MNAT1: variants seen among roughly 807,000 people sequenced by gnomAD.
MNAT1 encodes CDK-activating kinase assembly factor MAT1.
Under a neutral mutation model 42.0 loss-of-function variants are expected in MNAT1, and 43 were observed. The ratio of observed to expected loss-of-function variants is 1.02; its 90% CI spans 0.80 to 1.32. The LOEUF is 1.32. Among genes scored for constraint, MNAT1 ranks in the 40% most tolerant of loss-of-function variants. The pLI is 0.00. For synonymous variants in MNAT1, 118 were observed against 120.0 expected (o/e 0.98, Z 0.11); for missense variants, 306 against 350.4 (o/e 0.87, Z 1.01).
At chr14:60,923,916 A>G (rs1437615016) in intron 7 of MNAT1, among the ~76,000 whole-genome samples, 2 of 152,218 alleles carry the variant, frequency 1.3e-5, no homozygotes, top group Non-Finnish European at 2.9e-5. Flanking sequence ...TGGATGACAG[A>G]GCGAGACTGT....
intron 6 of MNAT1, among the ~76,000 whole-genome samples, chr14:60,822,270 C>T (rs973821076): frequency 6.6e-6 from 1 of 151,940 alleles, no homozygotes; most frequent in Non-Finnish European, 1.5e-5. Flanking sequence ...ATTGGAATGG[C>T]GAGATGTAAA....
chr14:60,930,597 G>T (rs1034334961), intron 7 of MNAT1, among the ~76,000 whole-genome samples: 1 of 152,120 alleles, frequency 6.6e-6, no homozygotes, highest in Non-Finnish European at 1.5e-5. Flanking sequence ...TAAGAAGAGA[G>T]GGTCAAGGAA....
intron 7 of MNAT1, among the ~76,000 whole-genome samples, chr14:60,965,192 C>T (rs1335175035): frequency 6.6e-6 from 1 of 152,124 alleles, no homozygotes; most frequent in African/African-American, 2.4e-5. Context: ...TTTTAATTGA[C>T]TTGGTTTTGG....
At chr14:60,963,941 G>C (rs2036639494) in intron 7 of MNAT1, among the ~76,000 whole-genome samples, 1 of 152,122 alleles carries the variant, frequency 6.6e-6, no homozygotes. Context: ...TCTTGGTCTT[G>C]AGTGACAAGC....
intron 7 of MNAT1, among the ~76,000 whole-genome samples, chr14:60,959,082 A>C (rs2036541440): frequency 6.6e-6 from 1 of 152,106 alleles, no homozygotes; most frequent in Non-Finnish European, 1.5e-5. Context: ...CCACTTAGGC[A>C]CCTGGAGATT....
At chr14:60,930,065 T>C (rs563371504) in intron 7 of MNAT1, among the ~76,000 whole-genome samples, 1 of 152,060 alleles carries the variant, frequency 6.6e-6, no homozygotes, top group Admixed American at 6.5e-5. Context: ...TAATTACTTT[T>C]CCAGGTCAAA....
intron 3 of MNAT1, among the ~76,000 whole-genome samples, chr14:60,805,439 A>G (rs2032337952): frequency 6.6e-6 from 1 of 152,204 alleles, no homozygotes. Context: ...AGTTTACACT[A>G]GGATTCATTT....
At chr14:60,936,468 A>G (rs1187909601) in intron 7 of MNAT1, among the ~76,000 whole-genome samples, 1 of 145,218 alleles carries the variant, frequency 6.9e-6, no homozygotes, top group Non-Finnish European at 1.5e-5. Context: ...CTATGAGAAC[A>G]TGCGGTGTTT....
chr14:60,838,534 TAGTTTCTAA>T (rs1185591276), intron 6 of MNAT1, among the ~76,000 whole-genome samples: 3 of 152,214 alleles, frequency 2.0e-5, no homozygotes, highest in Non-Finnish European at 2.9e-5. Context: ...TTTATTTTTC[TAGTTTCTAA>T]AGGTGGAAGG....
At chr14:60,939,924 G>T (rs1013730421) in intron 7 of MNAT1, among the ~76,000 whole-genome samples, 2 of 152,104 alleles carry the variant, frequency 1.3e-5, no homozygotes, top group Non-Finnish European at 2.9e-5. Flanking sequence ...TCCTGTATTG[G>T]GTGCATATAT....
At chr14:60,783,773 A>G (rs903697210) in intron 1 of MNAT1, among the ~76,000 whole-genome samples, 5 of 152,216 alleles carry the variant, frequency 3.3e-5, no homozygotes, top group Admixed American at 3.3e-4. Flanking sequence ...AAGTGCTGGG[A>G]TTACAGGCGT....
intron 7 of MNAT1, among the ~76,000 whole-genome samples, chr14:60,887,529 C>T (rs1425779886): frequency 6.6e-6 from 1 of 151,476 alleles, no homozygotes; most frequent in African/African-American, 2.4e-5. Flanking sequence ...TGATGATTTC[C>T]AGTTTCATCC....
intron 7 of MNAT1, among the ~76,000 whole-genome samples, chr14:60,921,882 C>G (rs1208644382): frequency 1.3e-5 from 2 of 152,104 alleles, no homozygotes; most frequent in Non-Finnish European, 2.9e-5. Context: ...CATATTTACA[C>G]AACTCAATAT....
intron 1 of MNAT1, among the ~76,000 whole-genome samples, chr14:60,737,665 A>G (rs1478241808): frequency 6.6e-6 from 1 of 152,080 alleles, no homozygotes; most frequent in Non-Finnish European, 1.5e-5. Flanking sequence ...ATCACAAGGT[A>G]ATGTCCAGTA....
In MNAT1 at chr14:60,746,937, C is replaced by G. The variant is rs1223478815; in HGVS notation, c.89+11986C>G. Among the ~76,000 whole-genome samples, 12 of 20,540 alleles carry G rather than the reference C, an allele frequency of 5.8e-4. 1 individual carries two copies. The highest frequency in any genetic ancestry group is 1.0e-4 in the Non-Finnish European group (1 of 10,044). 13.5% of individuals were successfully genotyped at this position (20,540 alleles called of 152,430 possible). On this transcript the variant is annotated intron_variant, in intron 1 of 7. Coordinates refer to ENST00000261245, the MANE Select transcript of MNAT1 (RefSeq NM_002431.4). Reference sequence around the variant, plus strand: ...ATATATATATATACACACACACACACACACACACACACACACACACACACA... The same window carrying G: ...ATATATATATATACACACACACACAGACACACACACACACACACACACACA...
chr14:60,752,558 T>C (rs2030142685), intron 1 of MNAT1, among the ~76,000 whole-genome samples: 1 of 151,960 alleles, frequency 6.6e-6, no homozygotes, highest in Admixed American at 6.6e-5. Flanking sequence ...TCAGCTGCTC[T>C]GGAGGCTGGG....
intron 7 of MNAT1, among the ~76,000 whole-genome samples, chr14:60,921,130 A>T (rs1030659957): frequency 1.3e-5 from 2 of 152,184 alleles, no homozygotes; most frequent in Non-Finnish European, 2.9e-5. Flanking sequence ...ACATAAACCT[A>T]AGAAATATTA....
chr14:60,924,398 A>T (rs892815940), intron 7 of MNAT1, among the ~76,000 whole-genome samples: 1 of 151,770 alleles, frequency 6.6e-6, no homozygotes, highest in East Asian at 1.9e-4. Context: ...AAAAAAAAAA[A>T]AAAACTGTAC....
At chr14:60,745,564 G>A (rs184851527) in intron 1 of MNAT1, among the ~76,000 whole-genome samples, 10 of 152,136 alleles carry the variant, frequency 6.6e-5, no homozygotes, top group Admixed American at 1.3e-4. Flanking sequence ...TTACAGGTGT[G>A]TACCACCACG....
Sources: gnomAD v4.1 joint callset for allele counts (sites outside exome capture counted in the v4.1 genomes callset) on GRCh38, gnomAD v4.1.1 for gene constraint, MANE v1.5 for transcripts, NCBI Gene and HGNC (gene_info 2026-07-23, HGNC 2026-07-21) for gene names.